CPQ: variants seen among roughly 807,000 people sequenced by gnomAD.
CPQ encodes the protein carboxypeptidase Q.
CPQ carries 37 observed loss-of-function variants against 45.7 expected under a neutral mutation model. The observed-to-expected ratio is 0.81, with a 90% CI of 0.62 to 1.07. The LOEUF is 1.07. Among genes scored for constraint, CPQ ranks in the 50% least tolerant of loss-of-function variants. The pLI, the probability that CPQ is intolerant of heterozygous loss-of-function variation, is 0.00. For synonymous variants in CPQ, 186 were observed against 205.8 expected, an observed-to-expected ratio of 0.90 and a Z score of 0.82; for missense variants, 537 against 572.9, an observed-to-expected ratio of 0.94 and a Z score of 0.64.
chr8:96,931,083 A>G (rs10107928), intron 4 of CPQ, among the ~76,000 whole-genome samples: 12,212 of 152,238 alleles, frequency 0.08, 953 homozygotes, highest in African/African-American at 0.21. Flanking sequence ...ACATACATGC[A>G]GGCTTCAAGC....
chr8:97,129,341 C>G (rs1375543466), intron 7 of CPQ, among the ~76,000 whole-genome samples: 1 of 152,164 alleles, frequency 6.6e-6, no homozygotes, highest in Non-Finnish European at 1.5e-5. Flanking sequence ...ACGGCCTACA[C>G]ATCCTCTCAC....
At chr8:97,101,219 A>G in intron 7 of CPQ, among the ~76,000 whole-genome samples, 1 of 152,112 alleles carries the variant, frequency 6.6e-6, no homozygotes. Context: ...AGTATGCCAT[A>G]AAAGATAAAG....
In CPQ at chr8:96,747,155, G is replaced by T. The variant is rs964671138; in HGVS notation, c.-34-37709G>T. On this transcript the variant is annotated intron_variant, in intron 1 of 7. Transcript: ENST00000220763. ...AAAATACAAAAATTAGCCAGGCATG[G>T]TGGTGCACACCTGTAATTCCAGCTA... Among the ~76,000 whole-genome samples, 6 of 152,120 alleles carry T rather than the reference G, an allele frequency of 3.9e-5. No homozygotes were observed. In the East Asian group the frequency reaches 1.2e-3, roughly 29 times the overall value.
chr8:96,779,200 A>C (rs1205655307), intron 1 of CPQ, among the ~76,000 whole-genome samples: 1 of 152,112 alleles, frequency 6.6e-6, no homozygotes, highest in African/African-American at 2.4e-5. Context: ...GTCCCTCTAG[A>C]AAGGGTACCA....
intron 7 of CPQ, among the ~76,000 whole-genome samples, chr8:97,079,463 G>A (rs1319113833): frequency 1.3e-5 from 2 of 152,148 alleles, no homozygotes; most frequent in African/African-American, 4.8e-5. Flanking sequence ...AGAACATTTT[G>A]AAGTATAAAT....
chr8:96,667,679 C>T (rs1471971546), intron 1 of CPQ, among the ~76,000 whole-genome samples: 6 of 152,046 alleles, frequency 3.9e-5, no homozygotes, highest in Admixed American at 1.3e-4. Context: ...ACCTCTCCGT[C>T]GCCACACTTA....
At chr8:96,684,176 T>A (rs960442276) in intron 1 of CPQ, among the ~76,000 whole-genome samples, 2 of 152,260 alleles carry the variant, frequency 1.3e-5, no homozygotes, top group African/African-American at 4.8e-5. Context: ...TCTGATTTTA[T>A]GCATTGGCTT....
intron 4 of CPQ, among the ~76,000 whole-genome samples, chr8:96,921,814 T>G (rs1172107821): frequency 6.6e-6 from 1 of 152,216 alleles, no homozygotes; most frequent in African/African-American, 2.4e-5. Flanking sequence ...AACCTGATAT[T>G]ACTGGTTTTA....
chr8:96,912,047 C>T (rs1260431477), intron 4 of CPQ, among the ~76,000 whole-genome samples: 1 of 152,192 alleles, frequency 6.6e-6, no homozygotes, highest in African/African-American at 2.4e-5. Context: ...ATCGGATGAG[C>T]TACCGCATGC....
At chr8:96,821,337 C>T (rs1002037146) in intron 2 of CPQ, among the ~76,000 whole-genome samples, 2 of 151,510 alleles carry the variant, frequency 1.3e-5, no homozygotes, top group Admixed American at 6.6e-5. Flanking sequence ...CTGTGCTTTT[C>T]AGGTCTTAAA....
intron 7 of CPQ, among the ~76,000 whole-genome samples, chr8:97,080,298 T>G (rs1191586235): frequency 6.6e-6 from 1 of 152,312 alleles, no homozygotes; most frequent in Non-Finnish European, 1.5e-5. Context: ...TTAGACATAC[T>G]TAATCTGCTC....
At chr8:97,022,212 T>C (rs933610369) in intron 5 of CPQ, among the ~76,000 whole-genome samples, 2 of 152,186 alleles carry the variant, frequency 1.3e-5, no homozygotes, top group African/African-American at 4.8e-5. Context: ...TCCTCATCTC[T>C]CACCTTATAC....
At chr8:96,954,459 G>A (rs1813320652) in intron 4 of CPQ, among the ~76,000 whole-genome samples, 1 of 152,024 alleles carries the variant, frequency 6.6e-6, no homozygotes, top group Non-Finnish European at 1.5e-5. Context: ...GTCCATTGAT[G>A]AAGAAAGTGA....
rs189651960 is a variant in CPQ at position 96,873,647 on chromosome 8, A to G, written c.642-6151A>G. ...AAAAACTCTATGGAAACAAAAGACT[A>G]TACCTTCAAAAGCTCACAATCTTTA... On this transcript the variant is annotated intron_variant, in intron 3 of 7. Coordinates refer to ENST00000220763, the MANE Select transcript of CPQ (RefSeq NM_016134.4). Among the ~76,000 whole-genome samples, 329 of 151,896 alleles carry G rather than the reference A, an allele frequency of 2.2e-3. 2 individuals are homozygous for G. Among genetic ancestry groups the G allele is most frequent in the Middle Eastern group, 0.01 (3 of 294 alleles).
chr8:96,835,537 G>A (rs1331725780), intron 3 of CPQ, among the ~76,000 whole-genome samples: 1 of 152,216 alleles, frequency 6.6e-6, no homozygotes, highest in Non-Finnish European at 1.5e-5. Flanking sequence ...GAGGGAGCCA[G>A]CCTGTTTTCC....
intron 4 of CPQ, among the ~76,000 whole-genome samples, chr8:96,894,336 G>A (rs1245841592): frequency 2.0e-5 from 3 of 152,116 alleles, no homozygotes; most frequent in Non-Finnish European, 2.9e-5. Context: ...AACTAATACA[G>A]CAATTAAAGG....
chr8:97,088,490 A>G (rs1332205941), intron 7 of CPQ, among the ~76,000 whole-genome samples: 1 of 152,230 alleles, frequency 6.6e-6, no homozygotes. Flanking sequence ...AGACTGCGCA[A>G]CCTAGAATGG....
intron 5 of CPQ, among the ~76,000 whole-genome samples, chr8:97,005,534 T>A (rs965922967): frequency 2.0e-5 from 3 of 152,092 alleles, no homozygotes; most frequent in African/African-American, 7.2e-5. Context: ...AAATTCTGTC[T>A]CTATAAAAAA....
At chr8:96,883,647 GCAAGCAAGAAGC>G (rs1342392643) in intron 4 of CPQ, among the ~76,000 whole-genome samples, 2 of 152,186 alleles carry the variant, frequency 1.3e-5, no homozygotes, top group African/African-American at 4.8e-5. Context: ...GACTATGAAG[GCAAGCAAGAAGC>G]ATGAAGTCCC....
Sources: allele counts gnomAD v4.1 joint callset (sites outside exome capture counted in the v4.1 genomes callset), GRCh38; gene constraint gnomAD v4.1.1; transcripts MANE v1.5; gene names NCBI Gene and HGNC (gene_info 2026-07-23, HGNC 2026-07-21).